Variants in GLIS3 observed in about 807,000 individuals in gnomAD.
The protein encoded by GLIS3 is zinc finger protein GLIS3.
In GLIS3, 53 loss-of-function variants were observed where a neutral mutation model predicts 78.6. The ratio of observed to expected loss-of-function variants is 0.67; its 90% CI spans 0.54 to 0.85. The LOEUF (loss-of-function observed/expected upper bound fraction) is 0.85, where lower values mean the gene tolerates loss of function less well. GLIS3 is among the 40% of genes least tolerant of loss of function. The probability of loss-of-function intolerance (pLI) is 0.00; values close to 1 mark genes in which losing one functional copy is unlikely to be tolerated. For missense variants in GLIS3, 1,703 were observed against 1,231.1 expected (o/e 1.38, Z -5.74); for synonymous variants, 684 against 509.9 (o/e 1.34, Z -4.60).
intron 2 of GLIS3, among the ~76,000 whole-genome samples, chr9:4,133,383 G>T (rs970871229): frequency 1.3e-5 from 2 of 152,194 alleles, no homozygotes. Context: ...CCATTCAGGT[G>T]GGCATTCAAG....
chr9:4,025,665 T>C (rs543981038), intron 4 of GLIS3, among the ~76,000 whole-genome samples: 3 of 152,224 alleles, frequency 2.0e-5, no homozygotes, highest in South Asian at 2.1e-4. Context: ...GGATTACAGG[T>C]GTGAGCCACT....
At chr9:4,342,966 GTTGT>G (rs1193967864) in intron 2 of GLIS3, among the ~76,000 whole-genome samples, 1 of 152,160 alleles carries the variant, frequency 6.6e-6, no homozygotes, top group Non-Finnish European at 1.5e-5. Context: ...CTTTGCTGAA[GTTGT>G]TTATCAGATC....
At chr9:4,421,213 C>T in the GLIS3 span, among the ~76,000 whole-genome samples, 1 of 152,194 alleles carries the variant, frequency 6.6e-6, no homozygotes, top group Non-Finnish European at 1.5e-5. Context: ...TGTCATATGA[C>T]AGGACCAGCT....
the GLIS3 span, among the ~76,000 whole-genome samples, chr9:4,391,714 G>C: frequency 6.6e-6 from 1 of 152,150 alleles, no homozygotes; most frequent in African/African-American, 2.4e-5. Context: ...ACTGTCAATA[G>C]GGATTTGGTA....
the GLIS3 span, among the ~76,000 whole-genome samples, chr9:4,456,099 C>A: frequency 2.6e-5 from 4 of 151,896 alleles, no homozygotes. Flanking sequence ...CAGAGTGAGA[C>A]TCCATCTAAG....
At chr9:4,343,656 A>G (rs1464766725) in intron 2 of GLIS3, among the ~76,000 whole-genome samples, 1 of 152,258 alleles carries the variant, frequency 6.6e-6, no homozygotes, top group African/African-American at 2.4e-5. Flanking sequence ...AAGACATGGA[A>G]TCAACCTAAA....
chr9:4,378,140 A>G, the GLIS3 span, among the ~76,000 whole-genome samples: 5 of 152,178 alleles, frequency 3.3e-5, no homozygotes, highest in Non-Finnish European at 7.4e-5. Context: ...ATTACCACTT[A>G]TGAGGGTGTG....
intron 4 of GLIS3, among the ~76,000 whole-genome samples, chr9:4,050,948 A>G (rs1048535148): frequency 8.5e-5 from 13 of 152,102 alleles, no homozygotes; most frequent in Non-Finnish European, 1.8e-4. Flanking sequence ...AGGTTTCACA[A>G]TAAACTACAA....
chr9:4,335,061 A>G (rs999551465), intron 2 of GLIS3, among the ~76,000 whole-genome samples: 5 of 152,092 alleles, frequency 3.3e-5, no homozygotes, highest in African/African-American at 1.2e-4. Context: ...GGCGCCCGCC[A>G]CTATACCTGG....
chr9:3,989,925 C>G lies in GLIS3; in HGVS notation c.1711-52736G>C, dbSNP rs573431820. On this transcript the variant is annotated intron_variant, in intron 4 of 10. Transcript: ENST00000381971. ...AGCCTGAATAGGTCATGATTTGTAT[C>G]AAGTTCAATATTCGGGTTGATATCA... 3.8e-3 allele frequency among the ~76,000 whole-genome samples: 581 copies of G among 152,236 alleles called. 1 individual carries two copies. The highest frequency in any genetic ancestry group is 5.1e-3 in the Non-Finnish European group (347 of 68,024).
At chr9:4,138,309 C>T (rs529687776) in intron 2 of GLIS3, among the ~76,000 whole-genome samples, 24 of 152,320 alleles carry the variant, frequency 1.6e-4, no homozygotes, top group Non-Finnish European at 2.4e-4. Context: ...GGGTGTTAGG[C>T]TTGGTCCTAG....
chr9:4,131,691 G>A (rs762016161), intron 2 of GLIS3, among the ~76,000 whole-genome samples: 2 of 152,080 alleles, frequency 1.3e-5, no homozygotes, highest in Non-Finnish European at 2.9e-5. Context: ...GCAGAACTGT[G>A]AACCAATTAA....
Position 4,061,273 on chromosome 9 carries a change from T to C in GLIS3, c.1710+56495A>G, listed in dbSNP as rs555760584. On this transcript the variant is annotated intron_variant, in intron 4 of 10. Coordinates refer to ENST00000381971, the MANE Select transcript of GLIS3 (RefSeq NM_001042413.2). Reference sequence around the variant, plus strand: ...ATGTTCCCTTTCCTGTGTCCAAGTGTTCTAACTGTTCAATTCCCACCTATG... The same window carrying C: ...ATGTTCCCTTTCCTGTGTCCAAGTGCTCTAACTGTTCAATTCCCACCTATG... Among the ~76,000 whole-genome samples, 3 of 142,144 alleles carry C rather than the reference T, an allele frequency of 2.1e-5. No homozygotes were observed. In the East Asian group the frequency reaches 6.4e-4, roughly 31 times the overall value. The allele number at this position is 142,144 out of a possible 152,430, so 93.3% of individuals were successfully genotyped here.
At chr9:4,074,196 G>A (rs920638015) in intron 4 of GLIS3, among the ~76,000 whole-genome samples, 7 of 152,114 alleles carry the variant, frequency 4.6e-5, no homozygotes, top group Non-Finnish European at 8.8e-5. Context: ...ATGAACCAGG[G>A]GTCTCTAGGG....
rs1283668733 is a variant in GLIS3 at position 3,953,764 on chromosome 9, TCTCTCTCTCTCTCTCTCTCTCTC to T, written c.1711-16598_1711-16576del. 4.4e-4 allele frequency among the ~76,000 whole-genome samples: 22 copies of T among 49,764 alleles called. 1 individual carries two copies. Among genetic ancestry groups the T allele is most frequent in the African/African-American group, 1.3e-3 (20 of 14,944 alleles). The allele number at this position is 49,764 out of a possible 152,430, so 32.6% of individuals were successfully genotyped here. A position where few individuals can be genotyped will look rare whatever the true frequency, so the allele number is the denominator to read the frequency against. Reference sequence around the variant, plus strand: ...TTGCCAATGATAATTAGATTTGCTCTCTCTCTCTCTCTCTCTCTCTCTCTCTCTCTCTATATATATATATATAT... The same window carrying T: ...TTGCCAATGATAATTAGATTTGCTCTTCTCTCTCTATATATATATATATAT... On this transcript the variant is annotated intron_variant, in intron 4 of 10. Coordinates refer to ENST00000381971, the MANE Select transcript of GLIS3 (RefSeq NM_001042413.2).
the GLIS3 span, among the ~76,000 whole-genome samples, chr9:4,438,257 C>T: frequency 1.3e-5 from 2 of 152,066 alleles, no homozygotes; most frequent in African/African-American, 4.8e-5. Context: ...ACCCTCATGC[C>T]ACCCCAATGA....
At chr9:3,914,744 C>T (rs920166733) in intron 6 of GLIS3, among the ~76,000 whole-genome samples, 7 of 152,114 alleles carry the variant, frequency 4.6e-5, no homozygotes, top group Non-Finnish European at 7.3e-5. Context: ...ATTATACATT[C>T]CAGCCCCCTG....
intron 7 of GLIS3, 164 bp downstream of exon 7, chr9:3,898,527 C>T: frequency 1.3e-6 from 1 of 749,718 alleles, no homozygotes. Context: ...TGCTGCCACA[C>T]CCAGCTCAGG....
intron 4 of GLIS3, chr9:4,305,565 A>C (rs1817206681): frequency 6.6e-6 from 1 of 152,236 alleles, no homozygotes; most frequent in Non-Finnish European, 1.5e-5. Context: ...TGAATGGCTC[A>C]TAAATCTGGG....
Sources: gnomAD v4.1 joint callset for allele counts (sites outside exome capture counted in the v4.1 genomes callset) on GRCh38, gnomAD v4.1.1 for gene constraint, MANE v1.5 for transcripts, NCBI Gene and HGNC (gene_info 2026-07-23, HGNC 2026-07-21) for gene names.